Variants in ADGRL3 observed in about 807,000 individuals in gnomAD.
ADGRL3 encodes the protein calcium-independent alpha-latrotoxin receptor 3.
Under a neutral mutation model 153.5 loss-of-function variants are expected in ADGRL3, and 62 were observed. The observed-to-expected ratio is 0.40, with a 90% confidence interval of 0.33 to 0.50. ADGRL3 has a LOEUF of 0.50. ADGRL3 is among the 20% of genes least tolerant of loss of function. ADGRL3 has a pLI of 0.47. For synonymous variants in ADGRL3, 710 were observed against 672.5 expected (o/e 1.06, Z -0.86); for missense variants, 1,641 against 1,859.4 (o/e 0.88, Z 2.16).
intron 8 of ADGRL3, among the ~76,000 whole-genome samples, chr4:61,769,992 T>C (rs1055391686): frequency 6.6e-6 from 1 of 152,160 alleles, no homozygotes; most frequent in Non-Finnish European, 1.5e-5. Context: ...TCACAGGGGA[T>C]ACGATGGCTT....
intron 2 of ADGRL3, among the ~76,000 whole-genome samples, chr4:61,394,683 AAAAAG>A (rs1228733889): frequency 6.6e-6 from 1 of 152,078 alleles, no homozygotes; most frequent in Non-Finnish European, 1.5e-5. Flanking sequence ...AGTGCTTTAA[AAAAAG>A]AAATAAAGAA....
chr4:61,346,633 G>A (rs1214929003), intron 1 of ADGRL3, among the ~76,000 whole-genome samples: 1 of 150,576 alleles, frequency 6.6e-6, no homozygotes, highest in Non-Finnish European at 1.5e-5. Context: ...AAAATAGCCA[G>A]ACATGGTGGC....
At chr4:61,315,806 T>C (rs1305427926) in intron 1 of ADGRL3, among the ~76,000 whole-genome samples, 2 of 152,172 alleles carry the variant, frequency 1.3e-5, no homozygotes, top group Non-Finnish European at 2.9e-5. Context: ...CTCAAGATAA[T>C]GCTACTTCTT....
chr4:61,978,468 C>A (rs1001233162), intron 17 of ADGRL3, among the ~76,000 whole-genome samples: 2 of 152,060 alleles, frequency 1.3e-5, no homozygotes, highest in Admixed American at 1.3e-4. Context: ...ATCTATTCTG[C>A]TACTGATAGA....
intron 8 of ADGRL3, among the ~76,000 whole-genome samples, chr4:61,744,702 A>C (rs1341243370): frequency 6.6e-6 from 1 of 152,186 alleles, no homozygotes; most frequent in Non-Finnish European, 1.5e-5. Flanking sequence ...ATCCACACCA[A>C]AAAACCATCT....
At chr4:61,431,627 C>T (rs1186719940) in intron 2 of ADGRL3, among the ~76,000 whole-genome samples, 1 of 152,128 alleles carries the variant, frequency 6.6e-6, no homozygotes, top group Non-Finnish European at 1.5e-5. Flanking sequence ...TAACAAATTT[C>T]TGGTTGTGAT....
chr4:61,333,073 T>G (rs2150995477), intron 1 of ADGRL3, among the ~76,000 whole-genome samples: 1 of 152,268 alleles, frequency 6.6e-6, no homozygotes, highest in South Asian at 2.1e-4. Flanking sequence ...CTTACCATTT[T>G]TATCTGTAGA....
At chr4:61,217,875 G>C (rs2148964277) in intron 1 of ADGRL3, among the ~76,000 whole-genome samples, 1 of 152,254 alleles carries the variant, frequency 6.6e-6, no homozygotes, top group South Asian at 2.1e-4. Flanking sequence ...CCAGCTTTAG[G>C]AATACCAGTG....
chr4:61,629,027 C>A (rs2092997469), intron 5 of ADGRL3, among the ~76,000 whole-genome samples: 1 of 152,220 alleles, frequency 6.6e-6, no homozygotes, highest in Non-Finnish European at 1.5e-5. Context: ...ACTAGGGTAA[C>A]AAATCCATGC....
chr4:61,426,364 G>A (rs538024518), intron 2 of ADGRL3, among the ~76,000 whole-genome samples: 2 of 152,292 alleles, frequency 1.3e-5, no homozygotes, highest in Non-Finnish European at 2.9e-5. Flanking sequence ...TATGGTGTCA[G>A]TACTAGGCTG....
chr4:61,746,739 T>C (rs2096667284), intron 8 of ADGRL3, among the ~76,000 whole-genome samples: 1 of 152,070 alleles, frequency 6.6e-6, no homozygotes. Flanking sequence ...GCACTAAATG[T>C]CCACAAGAGA....
intron 17 of ADGRL3, among the ~76,000 whole-genome samples, chr4:61,967,334 A>G (rs2099010681): frequency 1.3e-5 from 2 of 152,170 alleles, no homozygotes; most frequent in Non-Finnish European, 2.9e-5. Flanking sequence ...TAAAATAACT[A>G]TGGCATGTTT....
chr4:61,233,898 AC>A (rs1328295135), intron 1 of ADGRL3, among the ~76,000 whole-genome samples: 7 of 152,270 alleles, frequency 4.6e-5, no homozygotes, highest in African/African-American at 1.4e-4. Context: ...TTAAAGATTG[AC>A]AATAAAGGTA....
intron 3 of ADGRL3, among the ~76,000 whole-genome samples, chr4:61,515,227 A>T (rs1204985347): frequency 6.6e-6 from 1 of 152,148 alleles, no homozygotes; most frequent in Non-Finnish European, 1.5e-5. Context: ...AAGGGATTTT[A>T]GCCTGGAGGC....
intron 6 of ADGRL3, among the ~76,000 whole-genome samples, chr4:61,718,145 A>G (rs1213583555): frequency 1.3e-5 from 2 of 152,186 alleles, no homozygotes; most frequent in Admixed American, 6.5e-5. Context: ...GGTTTTTTGT[A>G]ATTAGAATAT....
Position 61,804,021 on chromosome 4 carries a change from T to A in ADGRL3, c.1400-9788T>A, listed in dbSNP as rs77612563. ...GCACAAACAATTCCAATTTCTCAGG[T>A]GACAGCATTTTAGCACACAGAGGGG... On this transcript the variant is annotated intron_variant, in intron 8 of 26. Transcript: ENST00000683033. Among the ~76,000 whole-genome samples the A allele has an allele frequency of 6.2e-3, 944 of 152,284 alleles. 8 individuals are homozygous for A. Among genetic ancestry groups the A allele is most frequent in the African/African-American group, 0.022 (905 of 41,570 alleles).
At chr4:61,510,341 G>C (rs2098456899) in intron 3 of ADGRL3, among the ~76,000 whole-genome samples, 1 of 152,108 alleles carries the variant, frequency 6.6e-6, no homozygotes, top group South Asian at 2.1e-4. Flanking sequence ...TAAGGCTGAT[G>C]TGAGAATGGT....
chr4:61,934,588 C>G (rs1384518219), intron 13 of ADGRL3, among the ~76,000 whole-genome samples: 2 of 152,106 alleles, frequency 1.3e-5, no homozygotes, highest in Admixed American at 6.6e-5. Context: ...TTCTAAGAAG[C>G]AAGCATGCCT....
chr4:61,979,763 T>G lies in ADGRL3; in HGVS notation c.3006T>G (p.Thr1002=). The G allele has an allele frequency of 6.2e-7, 1 of 1,613,634 alleles. No homozygotes were observed. The highest frequency in any genetic ancestry group is 8.5e-7 in the Non-Finnish European group (1 of 1,179,610). ...ELLFLIGINR[T]DQPIACAVFA... is the part of the protein sequence containing the mutation. ...TCTTCCTGATTGGGATCAACCGAAC[T>G]GACCAACCAGTAAGCAACCTACATT... The change falls in exon 18 of 27, where the codon ACT becomes ACG. Residue 1002 remains threonine (T), a synonymous_variant. Coordinates refer to ENST00000683033, the MANE Select transcript of ADGRL3 (RefSeq NM_001387552.1).
Sources: gnomAD v4.1 joint callset for allele counts (sites outside exome capture counted in the v4.1 genomes callset) on GRCh38, gnomAD v4.1.1 for gene constraint, MANE v1.5 for transcripts, NCBI Gene and HGNC (gene_info 2026-07-23, HGNC 2026-07-21) for gene names.